LRRC37A2: variants seen among roughly 807,000 people sequenced by gnomAD.
The protein encoded by LRRC37A2 is leucine rich repeat containing 37 member A2.
Under a neutral mutation model 68.8 loss-of-function variants are expected in LRRC37A2, and 9 were observed. The ratio of observed to expected loss-of-function variants is 0.13; its 90% confidence interval spans 0.08 to 0.23. The LOEUF (loss-of-function observed/expected upper bound fraction) is 0.23. LRRC37A2 is among the 10% of genes least tolerant of loss of function. LRRC37A2 has a pLI of 1.00. For synonymous variants in LRRC37A2, 63 were observed against 367.6 expected, an observed-to-expected ratio of 0.17 and a Z score of 9.48; for missense variants, 168 against 950.4, an observed-to-expected ratio of 0.18 and a Z score of 10.82.
At chr17:46,721,461 C>T in the LRRC37A2 span, 1 of 667,172 alleles carries the variant, frequency 1.5e-6, no homozygotes, top group Admixed American at 2.5e-5. Context: ...CTTTAAGACC[C>T]TATATATGTA....
At chr17:46,846,933 G>A in the LRRC37A2 span, among the ~76,000 whole-genome samples, 7 of 152,142 alleles carry the variant, frequency 4.6e-5, no homozygotes, top group Admixed American at 4.6e-4. Context: ...GGTCACAGAG[G>A]ACTCCAGTCC....
the LRRC37A2 span, among the ~76,000 whole-genome samples, chr17:46,779,445 T>G: frequency 6.6e-6 from 1 of 152,072 alleles, no homozygotes; most frequent in Non-Finnish European, 1.5e-5. Context: ...TTCCCTTCCC[T>G]AGGACCCTGC....
At chr17:46,765,177 TA>T in the LRRC37A2 span, among the ~76,000 whole-genome samples, 1 of 152,214 alleles carries the variant, frequency 6.6e-6, no homozygotes, top group Non-Finnish European at 1.5e-5. Context: ...CCAGCTCTTC[TA>T]GGGGGCTGAC....
At chr17:46,769,689 G>A in the LRRC37A2 span, 1 of 1,539,624 alleles carries the variant, frequency 6.5e-7, no homozygotes, top group Non-Finnish European at 8.8e-7. Context: ...GACCCACAGG[G>A]CTGCCGGAAG....
the LRRC37A2 span, among the ~76,000 whole-genome samples, chr17:46,740,469 C>G: frequency 6.6e-6 from 1 of 151,982 alleles, no homozygotes; most frequent in South Asian, 2.1e-4. Flanking sequence ...ACACAGGGGT[C>G]AATTTAGGGT....
the LRRC37A2 span, among the ~76,000 whole-genome samples, chr17:46,900,654 T>G: frequency 6.6e-6 from 1 of 152,206 alleles, no homozygotes; most frequent in African/African-American, 2.4e-5. Flanking sequence ...TATACCCGCT[T>G]CTCGCATTCA....
At chr17:46,952,429 A>G in the LRRC37A2 span, among the ~76,000 whole-genome samples, 1 of 152,006 alleles carries the variant, frequency 6.6e-6, no homozygotes, top group East Asian at 1.9e-4. Context: ...CCCTATTCTC[A>G]CTAGCTACAC....
At chr17:46,944,016 A>T in the LRRC37A2 span, among the ~76,000 whole-genome samples, 1 of 152,132 alleles carries the variant, frequency 6.6e-6, no homozygotes, top group Non-Finnish European at 1.5e-5. Context: ...CAATTCCATT[A>T]GTGTGGTTCC....
the LRRC37A2 span, among the ~76,000 whole-genome samples, chr17:46,498,749 A>C: frequency 6.8e-6 from 1 of 147,162 alleles, no homozygotes; most frequent in Admixed American, 6.7e-5. Context: ...AGAGATAAAG[A>C]GCAGCAGAAA....
chr17:46,848,324 A>T, the LRRC37A2 span, among the ~76,000 whole-genome samples: 1 of 152,198 alleles, frequency 6.6e-6, no homozygotes, highest in African/African-American at 2.4e-5. Context: ...TACTGCCATA[A>T]AAAGGCCACA....
At chr17:46,893,653 A>G in the LRRC37A2 span, among the ~76,000 whole-genome samples, 107 of 152,034 alleles carry the variant, frequency 7.0e-4, no homozygotes, top group Non-Finnish European at 1.4e-3. Context: ...GAATCTCCTC[A>G]CTATGGGGAG....
chr17:46,851,389 C>A, the LRRC37A2 span, among the ~76,000 whole-genome samples: 2 of 146,312 alleles, frequency 1.4e-5, no homozygotes, highest in Non-Finnish European at 3.0e-5. The surrounding 1 kb of genome is among the most constrained non-coding windows in gnomAD (Gnocchi z 4.3). Flanking sequence ...GGCCGGAGGG[C>A]GGGGCAATGG....
the LRRC37A2 span, among the ~76,000 whole-genome samples, chr17:46,679,816 T>C: frequency 6.9e-3 from 911 of 132,566 alleles, no homozygotes; most frequent in Middle Eastern, 0.013. Flanking sequence ...ACAGTGGAAA[T>C]TCAAATACTT....
At chr17:46,989,488 G>A in the LRRC37A2 span, among the ~76,000 whole-genome samples, 1 of 152,210 alleles carries the variant, frequency 6.6e-6, no homozygotes, top group Non-Finnish European at 1.5e-5. Flanking sequence ...CAGATATAAG[G>A]GGATGCATGA....
At chr17:47,027,843 T>C in the LRRC37A2 span, among the ~76,000 whole-genome samples, 1 of 152,240 alleles carries the variant, frequency 6.6e-6, no homozygotes, top group African/African-American at 2.4e-5. Context: ...GCTGGTGTGA[T>C]TTTGTACTCA....
At chr17:46,979,582 C>T in the LRRC37A2 span, among the ~76,000 whole-genome samples, 4 of 152,262 alleles carry the variant, frequency 2.6e-5, no homozygotes, top group African/African-American at 9.6e-5. Flanking sequence ...TTTAAGCCCT[C>T]GTAAGCCTTG....
At chr17:46,845,265 C>T in the LRRC37A2 span, among the ~76,000 whole-genome samples, 525 of 152,212 alleles carry the variant, frequency 3.4e-3, 4 homozygotes, top group Middle Eastern at 0.027. Context: ...GGGGACTTCA[C>T]GGTGGTTGAA....
chr17:46,878,042 G>A, the LRRC37A2 span, among the ~76,000 whole-genome samples: 1 of 152,228 alleles, frequency 6.6e-6, no homozygotes, highest in Non-Finnish European at 1.5e-5. Flanking sequence ...AGGCACACAT[G>A]GATGCACAGC....
chr17:46,500,981 A>G, the LRRC37A2 span, among the ~76,000 whole-genome samples: 1 of 151,098 alleles, frequency 6.6e-6, no homozygotes, highest in African/African-American at 2.5e-5. Flanking sequence ...GGAGTTTGAG[A>G]CCAGCCTGGC....
Sources: allele counts gnomAD v4.1 joint callset (sites outside exome capture counted in the v4.1 genomes callset), GRCh38; gene constraint gnomAD v4.1.1; non-coding constraint Gnocchi (gnomAD v3.1); transcripts MANE v1.5; gene names NCBI Gene and HGNC (gene_info 2026-07-23, HGNC 2026-07-21).